The following NRXN1 variants were observed in gnomAD, a reference collection of about 807,000 sequenced individuals.
The protein encoded by NRXN1 is neurexin 1, also known as neurexin-1.
In NRXN1, 39 loss-of-function variants were observed where a neutral mutation model predicts 150.9. The ratio of observed to expected loss-of-function variants is 0.26; its 90% CI spans 0.20 to 0.34. The LOEUF is 0.34. Ranked by LOEUF, NRXN1 falls within the 10% of genes least tolerant of loss-of-function variation. The pLI is 1.00. For missense variants in NRXN1, 1,815 were observed against 1,949.9 expected (o/e 0.93, Z 1.30); for synonymous variants, 924 against 757.0 (o/e 1.22, Z -3.62).
intron 17 of NRXN1, among the ~76,000 whole-genome samples, chr2:50,270,859 A>C (rs1382892969): frequency 6.6e-6 from 1 of 151,986 alleles, no homozygotes; most frequent in Non-Finnish European, 1.5e-5. Context: ...GGTTTTCACC[A>C]CGTTGGCCAG....
chr2:50,664,406 T>C (rs1423146047), intron 5 of NRXN1, among the ~76,000 whole-genome samples: 1 of 137,374 alleles, frequency 7.3e-6, no homozygotes, highest in Non-Finnish European at 1.5e-5. Context: ...CGTGTGTGTG[T>C]GTGTGTGTGT....
intron 18 of NRXN1, among the ~76,000 whole-genome samples, chr2:50,107,879 G>C (rs1348066188): frequency 6.6e-6 from 1 of 151,836 alleles, no homozygotes; most frequent in Non-Finnish European, 1.5e-5. Context: ...ACAAGTGTTT[G>C]CTAAATATTG....
chr2:50,402,413 C>T (rs980185648), intron 17 of NRXN1, among the ~76,000 whole-genome samples: 32 of 151,820 alleles, frequency 2.1e-4, no homozygotes, highest in African/African-American at 7.3e-4. Context: ...GAACTGTTTC[C>T]AATGATGAAT....
chr2:50,551,418 G>A (rs577647075), intron 9 of NRXN1: 1 of 152,364 alleles, frequency 6.6e-6, no homozygotes, highest in Non-Finnish European at 1.5e-5. Context: ...AAGGATAAGA[G>A]GGAAGTAGAA....
intron 2 of NRXN1, among the ~76,000 whole-genome samples, chr2:50,961,294 A>C (rs1455043896): frequency 6.6e-6 from 1 of 151,800 alleles, no homozygotes; most frequent in African/African-American, 2.4e-5. Context: ...TTAGGTATGG[A>C]CCTAAGATTC....
intron 18 of NRXN1, among the ~76,000 whole-genome samples, chr2:50,133,121 G>A (rs1705797972): frequency 1.3e-5 from 2 of 152,172 alleles, no homozygotes; most frequent in Non-Finnish European, 2.9e-5. Flanking sequence ...GTAGTCAGGT[G>A]TCAGATGAAG....
At chr2:50,874,178 T>C (rs1247940794) in intron 5 of NRXN1, among the ~76,000 whole-genome samples, 1 of 151,898 alleles carries the variant, frequency 6.6e-6, no homozygotes, top group Non-Finnish European at 1.5e-5. Flanking sequence ...GACTCTCTTG[T>C]CTTAGTTCAG....
intron 15 of NRXN1, among the ~76,000 whole-genome samples, chr2:50,487,823 G>GATCT (rs2090986020): frequency 6.6e-6 from 1 of 152,166 alleles, no homozygotes; most frequent in Non-Finnish European, 1.5e-5. Flanking sequence ...GTCCATTACA[G>GATCT]ATCTAGATGA....
At chr2:50,019,975 AG>A (rs1558706882) in intron 21 of NRXN1, among the ~76,000 whole-genome samples, 955 of 50,034 alleles carry the variant, frequency 0.019, 44 homozygotes, top group African/African-American at 0.063. Flanking sequence ...AAAAAAAAAG[AG>A]AGAGAGAGAG....
intron 18 of NRXN1, among the ~76,000 whole-genome samples, chr2:50,214,334 C>T (rs756695945): frequency 4.6e-5 from 7 of 151,946 alleles, no homozygotes; most frequent in Non-Finnish European, 8.8e-5. Context: ...ACGTCTTTCT[C>T]TTTTTCAAGT....
intron 18 of NRXN1, among the ~76,000 whole-genome samples, chr2:50,160,487 G>C (rs1421382983): frequency 6.6e-6 from 1 of 151,994 alleles, no homozygotes; most frequent in Non-Finnish European, 1.5e-5. Context: ...GTTGCAGTGA[G>C]CTGAGATTGC....
Position 50,759,826 on chromosome 2 carries a change from C to CTGTGTA in NRXN1, c.833-136212_833-136211insTACACA, listed in dbSNP as rs1554053743. Among the ~76,000 whole-genome samples, 7 of 142,410 alleles carry CTGTGTA rather than the reference C, an allele frequency of 4.9e-5. No individual in the cohort carries two copies. The East Asian group carries it at 1.5e-3, about 30-fold the overall frequency. 93.4% of individuals were successfully genotyped at this position (142,410 alleles called of 152,430 possible). A position where few individuals can be genotyped will look rare whatever the true frequency, so the allele number is the denominator to read the frequency against. On this transcript the variant is annotated intron_variant, in intron 5 of 22. Transcript: ENST00000401669. The stretch of plus-strand genomic sequence containing the variant: ...GCTTAGCACTATCAATCTAACTAAG[C>CTGTGTA]TGTGTGTGTGTGTGTGTGTGTGTGT...
chr2:50,771,212 T>C (rs931178498), intron 5 of NRXN1, among the ~76,000 whole-genome samples: 4 of 152,104 alleles, frequency 2.6e-5, no homozygotes, highest in East Asian at 1.9e-4. Flanking sequence ...AGAAATCTTA[T>C]GATCATCATT....
At chr2:50,745,962 C>T (rs1699976594) in intron 5 of NRXN1, among the ~76,000 whole-genome samples, 1 of 152,098 alleles carries the variant, frequency 6.6e-6, no homozygotes, top group Non-Finnish European at 1.5e-5. Context: ...GAAGACAGAA[C>T]CCTTCCTCTC....
chr2:50,225,493 T>A (rs2064286505), intron 18 of NRXN1, among the ~76,000 whole-genome samples: 1 of 151,950 alleles, frequency 6.6e-6, no homozygotes, highest in East Asian at 1.9e-4. Flanking sequence ...AGTAACACAA[T>A]AGGATTAAGA....
At chr2:50,824,207 G>A (rs1670127313) in intron 5 of NRXN1, among the ~76,000 whole-genome samples, 2 of 152,166 alleles carry the variant, frequency 1.3e-5, no homozygotes, top group South Asian at 2.1e-4. Flanking sequence ...ACAGTACTGA[G>A]TACTTGTTAA....
At chr2:51,030,348 C>T (rs892559831) in intron 1 of NRXN1, among the ~76,000 whole-genome samples, 3 of 151,654 alleles carry the variant, frequency 2.0e-5, no homozygotes, top group East Asian at 1.9e-4. Context: ...CTTTTTTTCC[C>T]TTACAAGCTG....
chr2:50,485,714 G>C (rs1292967136), intron 15 of NRXN1, among the ~76,000 whole-genome samples: 1 of 152,196 alleles, frequency 6.6e-6, no homozygotes, highest in African/African-American at 2.4e-5. Flanking sequence ...GAGTCTGTGA[G>C]GAGGGAGCAG....
intron 5 of NRXN1, among the ~76,000 whole-genome samples, chr2:50,799,926 GAGAC>G (rs1707359534): frequency 6.6e-6 from 1 of 152,078 alleles, no homozygotes; most frequent in African/African-American, 2.4e-5. Flanking sequence ...GAGAGAGACA[GAGAC>G]AGAGAAACAC....
Sources: gnomAD v4.1 joint callset for allele counts (sites outside exome capture counted in the v4.1 genomes callset) on GRCh38, gnomAD v4.1.1 for gene constraint, MANE v1.5 for transcripts, NCBI Gene and HGNC (gene_info 2026-07-23, HGNC 2026-07-21) for gene names.